The following INSR variants were observed in gnomAD, a reference collection of about 807,000 sequenced individuals.
The protein encoded by INSR is insulin receptor.
In INSR, 67 loss-of-function variants were observed where a neutral mutation model predicts 142.6. The observed-to-expected ratio is 0.47, with a 90% confidence interval of 0.39 to 0.58. The LOEUF is 0.58. Ranked by LOEUF, INSR falls within the 20% of genes least tolerant of loss-of-function variation. The probability of loss-of-function intolerance (pLI) is 0.00; values close to 1 mark genes in which losing one functional copy is unlikely to be tolerated. For synonymous variants in INSR, 756 were observed against 743.1 expected (o/e 1.02, Z -0.28); for missense variants, 1,248 against 1,833.2 (o/e 0.68, Z 5.83).
intron 1 of INSR, among the ~76,000 whole-genome samples, chr19:7,283,435 T>G (rs1325687037): frequency 4.6e-5 from 7 of 152,040 alleles, no homozygotes; most frequent in Non-Finnish European, 7.4e-5. Flanking sequence ...CCCACAGTTT[T>G]GTTTGGTTTG....
At chr19:7,191,062 C>T (rs919257245) in intron 2 of INSR, among the ~76,000 whole-genome samples, 3 of 151,722 alleles carry the variant, frequency 2.0e-5, no homozygotes, top group Non-Finnish European at 4.4e-5. Context: ...TTTGGGAGGC[C>T]GTGGCAGGTG....
chr19:7,197,362 A>T (rs916685577), intron 2 of INSR, among the ~76,000 whole-genome samples: 3 of 152,074 alleles, frequency 2.0e-5, no homozygotes, highest in Admixed American at 2.0e-4. Flanking sequence ...GTGAGTGGGG[A>T]GGGAGTGAGT....
At position 7,117,127 on chromosome 19, in the gene INSR, G is replaced by A; in HGVS notation, c.4078C>T (p.Pro1360Ser). ...TTGCCTCCGTTCATGTGTGTGTAAG[G>A]GATGTGTTCCTCGTAGCTCCGCTTG... Reference protein sequence around the residue: ...GFKRSYEEHIPYTHMNGGKKN... With the variant: ...GFKRSYEEHISYTHMNGGKKN... Residue 1360 changes from proline (P) to serine (S), a missense_variant, in exon 22 of 22, where the codon CCT becomes TCT. Physicochemically the swap from Pro to Ser is moderately conservative, Grantham distance 74 (BLOSUM62 -1). This residue lies in a region of INSR where 122 missense variants were observed against 129.8 expected (regional missense o/e 0.94). Coordinates refer to ENST00000302850, the MANE Select transcript of INSR (RefSeq NM_000208.4). 6.2e-7 allele frequency: 1 copy of A among 1,614,112 alleles called. No individual in the cohort carries two copies. Among genetic ancestry groups the A allele is most frequent in the African/African-American group, 1.3e-5 (1 of 75,018 alleles).
At chr19:7,140,898 A>T (rs1973054560) in intron 13 of INSR, among the ~76,000 whole-genome samples, 2 of 152,012 alleles carry the variant, frequency 1.3e-5, no homozygotes, top group Admixed American at 6.6e-5. Context: ...ACATACAGTG[A>T]GCCCTGGGAA....
intron 2 of INSR, among the ~76,000 whole-genome samples, chr19:7,249,411 T>C (rs1282094361): frequency 6.6e-6 from 1 of 152,206 alleles, no homozygotes; most frequent in Non-Finnish European, 1.5e-5. Context: ...ACACAAAGTT[T>C]TGTTATGAAG....
At chr19:7,205,308 A>G (rs1975079009) in intron 2 of INSR, among the ~76,000 whole-genome samples, 1 of 152,226 alleles carries the variant, frequency 6.6e-6, no homozygotes, top group African/African-American at 2.4e-5. Flanking sequence ...ACCATGCTCC[A>G]ATCAAGTTCA....
At chr19:7,207,283 G>A (rs1975130214) in intron 2 of INSR, among the ~76,000 whole-genome samples, 1 of 152,040 alleles carries the variant, frequency 6.6e-6, no homozygotes, top group Non-Finnish European at 1.5e-5. Context: ...AGGCATGGTG[G>A]CATGCACCTG....
At chr19:7,226,399 A>G (rs1428047789) in intron 2 of INSR, among the ~76,000 whole-genome samples, 1 of 121,426 alleles carries the variant, frequency 8.2e-6, no homozygotes, top group Non-Finnish European at 1.7e-5. Flanking sequence ...ACAGAGTGAG[A>G]CTCCGTCTCA....
chr19:7,260,362 C>T lies in INSR; in HGVS notation c.652+6983G>A, dbSNP rs894121043. On this transcript the variant is annotated intron_variant, in intron 2 of 21. Transcript: ENST00000302850. ...GCCGGCAGTGAGCAGCTGGGGTGAC[C>T]TCCCAGAAAGAAAATGCCAGTGGGT... 6.6e-5 allele frequency among the ~76,000 whole-genome samples: 10 copies of T among 152,236 alleles called. No homozygotes were observed. The South Asian group carries it at 2.1e-3, about 32-fold the overall frequency.
intron 8 of INSR, among the ~76,000 whole-genome samples, chr19:7,164,345 C>G (rs1045542490): frequency 6.6e-6 from 1 of 152,092 alleles, no homozygotes; most frequent in African/African-American, 2.4e-5. Context: ...AGCAGTTAAC[C>G]TCCTTTGGGA....
intron 10 of INSR, among the ~76,000 whole-genome samples, chr19:7,151,182 T>TTC (rs1491195030): frequency 3.1e-5 from 1 of 32,312 alleles, no homozygotes; most frequent in African/African-American, 6.3e-5. Context: ...CTTTCTTTCT[T>TTC]TCTTTCTTTC....
At chr19:7,163,255 G>T in intron 8 of INSR, 56 bp from the exon 9 acceptor site, 1 of 1,531,070 alleles carries the variant, frequency 6.5e-7, no homozygotes, top group Non-Finnish European at 9.0e-7. Flanking sequence ...AAAGAAAGCT[G>T]GTGGGAGGAT....
intron 2 of INSR, among the ~76,000 whole-genome samples, chr19:7,240,795 T>A (rs1976316146): frequency 6.6e-6 from 1 of 152,164 alleles, no homozygotes; most frequent in Non-Finnish European, 1.5e-5. Context: ...CCGCACAATA[T>A]TACTGAAAAT....
At position 7,267,424 on chromosome 19, in the gene INSR, C is replaced by T; in HGVS notation, c.573G>A (p.Lys191=). 1 of 1,614,140 alleles carries T rather than the reference C, an allele frequency of 6.2e-7. No individual in the cohort carries two copies. The highest frequency in any genetic ancestry group is 8.5e-7 in the Non-Finnish European group (1 of 1,180,032). The part of the protein sequence containing the change: ...ECGDICPGTA[K]GKTNCPATVI... ...CGGTGGCGGGGCAGTTGGTCTTGCCCTTCGCGGTACCCGGACAGATGTCTC... is the reference window on the plus strand; with the variant it reads ...CGGTGGCGGGGCAGTTGGTCTTGCCTTTCGCGGTACCCGGACAGATGTCTC... Residue 191 remains lysine, a synonymous_variant, in exon 2 of 22, where the codon AAG becomes AAA. Coordinates refer to ENST00000302850, the MANE Select transcript of INSR (RefSeq NM_000208.4). This position sits in a 1 kb window ranked among gnomAD's most constrained non-coding sequence, Gnocchi z 6.3.
At chr19:7,200,730 CAT>C (rs1184542117) in intron 2 of INSR, among the ~76,000 whole-genome samples, 12 of 151,776 alleles carry the variant, frequency 7.9e-5, no homozygotes, top group Non-Finnish European at 1.5e-4. Flanking sequence ...CATGATGACA[CAT>C]GATTGTAGTT....
At chr19:7,161,330 G>C (rs985824930) in intron 9 of INSR, among the ~76,000 whole-genome samples, 1 of 151,744 alleles carries the variant, frequency 6.6e-6, no homozygotes, top group Non-Finnish European at 1.5e-5. Context: ...AATAATCATA[G>C]CTCACTGCAG....
intron 13 of INSR, among the ~76,000 whole-genome samples, chr19:7,135,474 C>T (rs947000434): frequency 2.6e-4 from 38 of 145,508 alleles, no homozygotes; most frequent in Admixed American, 1.5e-3. Context: ...TGCCACAAAG[C>T]GAGACTCCAG....
chr19:7,237,440 C>T (rs528830492), intron 2 of INSR, among the ~76,000 whole-genome samples: 11 of 151,846 alleles, frequency 7.2e-5, no homozygotes, highest in East Asian at 1.9e-4. Flanking sequence ...TCGCTTGAAC[C>T]GGGGAGGTGG....
chr19:7,193,957 C>T (rs1974668282), intron 2 of INSR, among the ~76,000 whole-genome samples: 1 of 62,104 alleles, frequency 1.6e-5, no homozygotes, highest in South Asian at 4.3e-4. Context: ...TCTCCCCGAG[C>T]TCCCAAACTG....
Sources: allele counts gnomAD v4.1 joint callset (sites outside exome capture counted in the v4.1 genomes callset), GRCh38; gene constraint gnomAD v4.1.1; regional missense constraint gnomAD v4.1.1; non-coding constraint Gnocchi (gnomAD v3.1); transcripts MANE v1.5; gene names NCBI Gene and HGNC (gene_info 2026-07-23, HGNC 2026-07-21).